The following ANKRD26 variants were observed in gnomAD, a reference collection of about 807,000 sequenced individuals.
ANKRD26 encodes the protein ankyrin repeat domain-containing protein 26.
Under a neutral mutation model 208.7 loss-of-function variants are expected in ANKRD26, and 141 were observed. That is an observed-to-expected ratio of 0.68 (90% CI 0.59 to 0.78). ANKRD26 has a LOEUF of 0.78. Among genes scored for constraint, ANKRD26 ranks in the 30% least tolerant of loss-of-function variants. ANKRD26 has a pLI of 0.00. For synonymous variants in ANKRD26, 636 were observed against 660.4 expected, an observed-to-expected ratio of 0.96 and a Z score of 0.57; for missense variants, 1,889 against 1,938.7, an observed-to-expected ratio of 0.97 and a Z score of 0.48.
chr10:27,099,193 G>GT (rs1201217825), intron 1 of ANKRD26, among the ~76,000 whole-genome samples: 4 of 152,050 alleles, frequency 2.6e-5, no homozygotes, highest in Admixed American at 6.6e-5. Flanking sequence ...GTTTCACCAT[G>GT]TTGGCCAAGC....
chr10:27,013,233 T>C (rs1564354404), intron 31 of ANKRD26, 123 bp from the exon 32 acceptor site: 2 of 825,240 alleles, frequency 2.4e-6, no homozygotes, highest in Non-Finnish European at 4.0e-6. Flanking sequence ...ACCAGTATTT[T>C]AACACTGAAA....
chr10:26,981,650 A>G (rs1017000868), intron 4 of ANKRD26, among the ~76,000 whole-genome samples: 4 of 152,228 alleles, frequency 2.6e-5, no homozygotes, highest in Non-Finnish European at 5.9e-5. Context: ...TTTTGCATAT[A>G]CCCAGCGGGA....
chr10:27,081,019 T>C (rs926720418), intron 6 of ANKRD26: 1 of 914,490 alleles, frequency 1.1e-6, no homozygotes, highest in Non-Finnish European at 1.3e-6. Context: ...CTTGAGGGGC[T>C]CAAAGCCACC....
chr10:26,950,417 T>C, the ANKRD26 span, among the ~76,000 whole-genome samples: 17 of 147,446 alleles, frequency 1.2e-4, no homozygotes, highest in Non-Finnish European at 1.5e-5. Context: ...AGTTTCTTTA[T>C]AGCAGTGTGA....
chr10:27,094,352 T>C (rs906880280), intron 1 of ANKRD26, among the ~76,000 whole-genome samples: 1 of 151,358 alleles, frequency 6.6e-6, no homozygotes, highest in Non-Finnish European at 1.5e-5. Context: ...ACAATATTTA[T>C]TAGCTCTTAC....
intron 9 of ANKRD26, among the ~76,000 whole-genome samples, chr10:27,074,601 A>G (rs1270028370): frequency 3.3e-5 from 5 of 152,138 alleles, no homozygotes; most frequent in Admixed American, 2.0e-4. Context: ...GAAGTGCTTG[A>G]ACCCAGGGGG....
chr10:27,096,765 CAA>C (rs1177909846), intron 1 of ANKRD26, among the ~76,000 whole-genome samples: 20 of 73,184 alleles, frequency 2.7e-4, no homozygotes, highest in Admixed American at 5.8e-4. Context: ...GACTCCATCT[CAA>C]AAAAAAAAAA....
intron 9 of ANKRD26, among the ~76,000 whole-genome samples, chr10:27,076,621 G>C (rs965487021): frequency 2.0e-5 from 3 of 151,926 alleles, no homozygotes; most frequent in Non-Finnish European, 2.9e-5. Context: ...ACTAAGAAAA[G>C]AGAGAAGATT....
At chr10:26,970,755 C>A (rs2052130806), downstream of ANKRD26, among the ~76,000 whole-genome samples, 1 of 152,184 alleles carries the variant, frequency 6.6e-6, no homozygotes, top group Admixed American at 6.5e-5. Flanking sequence ...TTAAAAGGTT[C>A]AAGGAATTTC....
In ANKRD26 at chr10:27,074,940, T is replaced by C. The variant is rs144936154; in HGVS notation, c.1077+2398A>G. On this transcript the variant is annotated intron_variant, in intron 9 of 33. Coordinates refer to ENST00000376087, the MANE Select transcript of ANKRD26 (RefSeq NM_014915.3). ...ACTGGAGTCCTATCTATAGTCTCCT[T>C]AAATAGGAAAAAAATCATCAGCCAA... Among the ~76,000 whole-genome samples, 638 of 152,108 alleles carry C rather than the reference T, an allele frequency of 4.2e-3. 3 individuals are homozygous for C. The highest frequency in any genetic ancestry group is 0.013 in the African/African-American group (560 of 41,510).
the ANKRD26 span, among the ~76,000 whole-genome samples, chr10:26,964,489 C>T: frequency 1.3e-5 from 2 of 152,208 alleles, no homozygotes; most frequent in African/African-American, 4.8e-5. Flanking sequence ...ATGCAGCTCA[C>T]TCCACCACAG....
exon 6 of ANKRD26, among the ~76,000 whole-genome samples, chr10:26,974,187 T>G (rs183428740): frequency 4.6e-5 from 7 of 152,254 alleles, no homozygotes; most frequent in African/African-American, 1.7e-4. Flanking sequence ...TATACTTACA[T>G]GCTATTGTTG....
At chr10:26,958,089 A>ATATATATATATATATATT in the ANKRD26 span, among the ~76,000 whole-genome samples, 2 of 149,926 alleles carry the variant, frequency 1.3e-5, no homozygotes, top group African/African-American at 4.9e-5. Context: ...ATATATATAT[A>ATATATATATATATATATT]TATTTATTTT....
chr10:26,974,622 G>A (rs758021954), exon 6 of ANKRD26, among the ~76,000 whole-genome samples: 3 of 152,160 alleles, frequency 2.0e-5, no homozygotes, highest in Non-Finnish European at 4.4e-5. Flanking sequence ...TTACAGGCGG[G>A]AGCCACCGTG....
chr10:27,006,498 A>C (rs1323632571), intron 33 of ANKRD26, among the ~76,000 whole-genome samples: 1 of 152,194 alleles, frequency 6.6e-6, no homozygotes, highest in Non-Finnish European at 1.5e-5. Context: ...CTGCTTATGA[A>C]CTGTAATTCC....
At chr10:26,952,851 T>C in the ANKRD26 span, among the ~76,000 whole-genome samples, 64,764 of 151,978 alleles carry the variant, frequency 0.43, 16,486 homozygotes, top group Non-Finnish European at 0.54. Context: ...TGAGTTATGC[T>C]GGTAACTGCT....
At chr10:26,975,509 G>A (rs1485679845) in exon 6 of ANKRD26, among the ~76,000 whole-genome samples, 2 of 140,708 alleles carry the variant, frequency 1.4e-5, no homozygotes, top group African/African-American at 2.7e-5. Flanking sequence ...TAACAGGCAT[G>A]AGCCACTGTG....
chr10:27,037,710 G>A (rs1257139977), intron 22 of ANKRD26, among the ~76,000 whole-genome samples, 161 bp downstream of exon 22: 1 of 152,126 alleles, frequency 6.6e-6, no homozygotes, highest in Non-Finnish European at 1.5e-5. Flanking sequence ...TCTATTAGGT[G>A]CCAAGATTTA....
At position 27,005,201 on chromosome 10, in the gene ANKRD26, A is replaced by G; in HGVS notation, c.*389T>C. The G allele has an allele frequency of 1.0e-6, 1 of 996,174 alleles. No individual in the cohort carries two copies. The highest frequency in any genetic ancestry group is 1.1e-4 in the East Asian group (1 of 9,264). The allele number at this position is 996,174 out of a possible 1,614,324, so 61.7% of individuals were successfully genotyped here. On this transcript the variant is annotated 3_prime_UTR_variant, in exon 34 of 34. Coordinates refer to ENST00000376087, the MANE Select transcript of ANKRD26 (RefSeq NM_014915.3). ...TGTAACAATTGTAATACATCCAAAC[A>G]TGAACAATGACCACAGTTCCTGCAC... is the stretch of plus-strand genomic sequence containing the variant.
Sources: allele counts gnomAD v4.1 joint callset (sites outside exome capture counted in the v4.1 genomes callset), GRCh38; gene constraint gnomAD v4.1.1; transcripts MANE v1.5; gene names NCBI Gene and HGNC (gene_info 2026-07-23, HGNC 2026-07-21).